SLC14A2: variants seen among roughly 807,000 people sequenced by gnomAD.
SLC14A2 encodes urea transporter 2.
Under a neutral mutation model 104.6 loss-of-function variants are expected in SLC14A2, and 91 were observed. The ratio of observed to expected loss-of-function variants is 0.87; its 90% CI spans 0.73 to 1.04. The LOEUF (loss-of-function observed/expected upper bound fraction) is 1.04. SLC14A2 is among the 50% of genes least tolerant of loss of function. The probability of loss-of-function intolerance (pLI) is 0.00; values close to 1 mark genes in which losing one functional copy is unlikely to be tolerated. For synonymous variants in SLC14A2, 476 were observed against 466.4 expected (o/e 1.02, Z -0.27); for missense variants, 1,189 against 1,156.0 (o/e 1.03, Z -0.41).
chr18:45,206,141 C>T, the SLC14A2 span, among the ~76,000 whole-genome samples: 1 of 152,156 alleles, frequency 6.6e-6, no homozygotes, highest in Non-Finnish European at 1.5e-5. Context: ...CTGAAATTTA[C>T]AAGATAATTG....
chr18:45,354,873 TGTG>T (rs1354878276), intron 1 of SLC14A2, among the ~76,000 whole-genome samples: 1 of 152,224 alleles, frequency 6.6e-6, no homozygotes, highest in Admixed American at 6.5e-5. Flanking sequence ...CTTTCAGCTG[TGTG>T]GACTGGGCAC....
chr18:45,657,550 G>C (rs2045861273), intron 10 of SLC14A2, among the ~76,000 whole-genome samples: 1 of 149,554 alleles, frequency 6.7e-6, no homozygotes, highest in African/African-American at 2.5e-5. Context: ...AAAGAAAAGA[G>C]AGAGAGAAAG....
chr18:45,480,502 G>T (rs1480478126), intron 1 of SLC14A2, among the ~76,000 whole-genome samples: 1 of 152,132 alleles, frequency 6.6e-6, no homozygotes, highest in Non-Finnish European at 1.5e-5. Context: ...AAGGCCCAAG[G>T]GATACATGCC....
At chr18:45,519,462 A>T (rs1014839615) in intron 2 of SLC14A2, among the ~76,000 whole-genome samples, 1 of 152,128 alleles carries the variant, frequency 6.6e-6, no homozygotes, top group Non-Finnish European at 1.5e-5. Flanking sequence ...TTGAACTTGG[A>T]TCCTCCTTTC....
chr18:45,621,814 G>A (rs1426022186), intron 1 of SLC14A2, among the ~76,000 whole-genome samples: 2 of 152,200 alleles, frequency 1.3e-5, no homozygotes, highest in Non-Finnish European at 2.9e-5. Flanking sequence ...ATGGTGGGTG[G>A]ATCTGCGAGG....
At chr18:45,335,058 A>G (rs1173769017) in intron 1 of SLC14A2, among the ~76,000 whole-genome samples, 1 of 152,234 alleles carries the variant, frequency 6.6e-6, no homozygotes, top group Non-Finnish European at 1.5e-5. Context: ...AATAAATTGC[A>G]CTTATTAAAG....
At chr18:45,641,474 A>C in intron 8 of SLC14A2, 131 bp downstream of exon 8, 1 of 990,100 alleles carries the variant, frequency 1.0e-6, no homozygotes, top group Non-Finnish European at 1.5e-6. Context: ...TTGCGTCCTA[A>C]TGCCAGTGCT....
intron 1 of SLC14A2, among the ~76,000 whole-genome samples, chr18:45,405,333 CA>C (rs2086142085): frequency 6.6e-6 from 1 of 152,100 alleles, no homozygotes; most frequent in Non-Finnish European, 1.5e-5. Context: ...AGGATTGAAA[CA>C]AAAGGAGAAT....
At chr18:45,178,983 A>G in the SLC14A2 span, among the ~76,000 whole-genome samples, 3 of 152,196 alleles carry the variant, frequency 2.0e-5, no homozygotes, top group Admixed American at 2.0e-4. Flanking sequence ...AATTTGTAAA[A>G]TAGATGGTTG....
chr18:45,576,568 C>T (rs750547228), intron 2 of SLC14A2, among the ~76,000 whole-genome samples: 14 of 151,426 alleles, frequency 9.2e-5, no homozygotes, highest in Non-Finnish European at 8.8e-5. Flanking sequence ...CAGGAATGAG[C>T]CACTGGAGCA....
intron 9 of SLC14A2, among the ~76,000 whole-genome samples, 155 bp from the exon 10 acceptor site, chr18:45,643,831 C>T (rs2045574246): frequency 6.6e-6 from 1 of 152,186 alleles, no homozygotes; most frequent in Non-Finnish European, 1.5e-5. Context: ...ATTCTTTGAC[C>T]AACTACTGTG....
chr18:45,485,856 T>C (rs1458051000), intron 2 of SLC14A2, among the ~76,000 whole-genome samples: 1 of 152,066 alleles, frequency 6.6e-6, no homozygotes, highest in Non-Finnish European at 1.5e-5. Flanking sequence ...CCAGGAGCAA[T>C]GAGCTATAGT....
intron 1 of SLC14A2, among the ~76,000 whole-genome samples, chr18:45,221,581 G>T (rs1206158288): frequency 6.6e-6 from 1 of 152,124 alleles, no homozygotes; most frequent in East Asian, 1.9e-4. Context: ...GGAGGAGGAG[G>T]TGTTCTCCCA....
At chr18:45,656,920 T>G (rs1286343601) in intron 10 of SLC14A2, among the ~76,000 whole-genome samples, 2 of 152,206 alleles carry the variant, frequency 1.3e-5, no homozygotes. Flanking sequence ...CAGTGACTCA[T>G]ACCCCCACCT....
upstream of SLC14A2, among the ~76,000 whole-genome samples, chr18:45,613,448 G>C (rs1568298549): frequency 6.6e-6 from 1 of 152,200 alleles, no homozygotes; most frequent in Non-Finnish European, 1.5e-5. Context: ...GCAGAGGTTG[G>C]AACAGTTTGG....
chr18:45,184,442 G>A, the SLC14A2 span, among the ~76,000 whole-genome samples: 1,626 of 152,194 alleles, frequency 0.011, 15 homozygotes, highest in Non-Finnish European at 0.018. Flanking sequence ...CACCAATCAG[G>A]AGAAATAAAA....
intron 1 of SLC14A2, among the ~76,000 whole-genome samples, chr18:45,242,795 C>T (rs561847659): frequency 6.6e-6 from 1 of 152,276 alleles, no homozygotes; most frequent in East Asian, 1.9e-4. Context: ...TGAGATGTTG[C>T]AACAAGTCAC....
intron 1 of SLC14A2, among the ~76,000 whole-genome samples, chr18:45,270,551 T>G (rs2084641214): frequency 6.6e-6 from 1 of 152,154 alleles, no homozygotes; most frequent in Admixed American, 6.6e-5. Flanking sequence ...TCTAGATTAC[T>G]TAGACAGCTA....
chr18:45,600,697 A>G (rs1227092344), intron 2 of SLC14A2, among the ~76,000 whole-genome samples: 2 of 152,200 alleles, frequency 1.3e-5, no homozygotes, highest in African/African-American at 4.8e-5. Flanking sequence ...ATAGGCACTC[A>G]AGAACCATGA....
Sources: gnomAD v4.1 joint callset for allele counts (sites outside exome capture counted in the v4.1 genomes callset) on GRCh38, gnomAD v4.1.1 for gene constraint, MANE v1.5 for transcripts, NCBI Gene and HGNC (gene_info 2026-07-23, HGNC 2026-07-21) for gene names.